The following EXOC6B variants were observed in gnomAD, a reference collection of about 807,000 sequenced individuals.
EXOC6B encodes the protein SEC15 homolog B.
In EXOC6B, 54 loss-of-function variants were observed where a neutral mutation model predicts 113.5. That is an observed-to-expected ratio of 0.48 (90% CI 0.38 to 0.60). The LOEUF is 0.60. Among genes scored for constraint, EXOC6B ranks in the 20% least tolerant of loss-of-function variants. The probability of loss-of-function intolerance (pLI) is 0.00; values close to 1 mark genes in which losing one functional copy is unlikely to be tolerated. For missense variants in EXOC6B, 797 were observed against 977.5 expected (o/e 0.82, Z 2.46); for synonymous variants, 357 against 339.0 (o/e 1.05, Z -0.58).
intron 20 of EXOC6B, among the ~76,000 whole-genome samples, chr2:72,261,048 T>C (rs544105387): frequency 6.6e-6 from 1 of 152,196 alleles, no homozygotes; most frequent in Non-Finnish European, 1.5e-5. Context: ...ACTAAGCAGT[T>C]CCAAACATAC....
intron 20 of EXOC6B, among the ~76,000 whole-genome samples, chr2:72,283,742 C>T (rs771190559): frequency 6.6e-6 from 1 of 152,078 alleles, no homozygotes; most frequent in Non-Finnish European, 1.5e-5. Context: ...CAAACCCTAA[C>T]CTAATCCCTA....
chr2:72,228,322 T>A (rs939573222), intron 20 of EXOC6B, among the ~76,000 whole-genome samples: 2 of 152,056 alleles, frequency 1.3e-5, no homozygotes, highest in Non-Finnish European at 2.9e-5. Context: ...AACGTGCAGG[T>A]TTGTTACATA....
chr2:72,481,691 C>T (rs1312066131), intron 16 of EXOC6B, among the ~76,000 whole-genome samples: 1 of 152,070 alleles, frequency 6.6e-6, no homozygotes, highest in African/African-American at 2.4e-5. Flanking sequence ...TCTTTTATAA[C>T]CCTATTTCTT....
intron 20 of EXOC6B, among the ~76,000 whole-genome samples, chr2:72,247,874 T>C (rs1322482194): frequency 6.6e-5 from 10 of 152,246 alleles, no homozygotes; most frequent in Non-Finnish European, 1.3e-4. Flanking sequence ...TAAGATGTTC[T>C]GAATTTGAAC....
At chr2:72,516,757 G>A (rs529272152) in intron 8 of EXOC6B, among the ~76,000 whole-genome samples, 1 of 152,092 alleles carries the variant, frequency 6.6e-6, no homozygotes, top group Non-Finnish European at 1.5e-5. Context: ...ACTAATAAGT[G>A]TGCCATGGTT....
chr2:72,733,466 C>T (rs945652653), intron 2 of EXOC6B, among the ~76,000 whole-genome samples: 5 of 152,120 alleles, frequency 3.3e-5, no homozygotes, highest in Admixed American at 1.3e-4. Context: ...TACAGATATT[C>T]CTCATTTCAC....
At chr2:72,313,356 C>T (rs774150020) in intron 20 of EXOC6B, among the ~76,000 whole-genome samples, 4 of 152,116 alleles carry the variant, frequency 2.6e-5, no homozygotes, top group Non-Finnish European at 4.4e-5. Flanking sequence ...ACATCCTGCA[C>T]ATGTACCCTA....
At chr2:72,645,927 C>A (rs868019958) in intron 6 of EXOC6B, among the ~76,000 whole-genome samples, 1 of 151,894 alleles carries the variant, frequency 6.6e-6, no homozygotes, top group African/African-American at 2.4e-5. Context: ...CAGAAGGCAA[C>A]AAATAACTAA....
At chr2:72,692,403 G>C (rs1040717063) in intron 6 of EXOC6B, among the ~76,000 whole-genome samples, 1 of 149,446 alleles carries the variant, frequency 6.7e-6, no homozygotes, top group Non-Finnish European at 1.5e-5. Flanking sequence ...CTAGGCTGGA[G>C]TGCAGTGGCA....
chr2:72,206,539 G>A (rs1679848746), intron 20 of EXOC6B, among the ~76,000 whole-genome samples: 2 of 152,148 alleles, frequency 1.3e-5, no homozygotes, highest in African/African-American at 4.8e-5. Context: ...CAGTGTTTGT[G>A]CCTCACAGTT....
intron 6 of EXOC6B, among the ~76,000 whole-genome samples, chr2:72,619,860 C>T (rs1671637951): frequency 6.6e-6 from 1 of 152,186 alleles, no homozygotes; most frequent in South Asian, 2.1e-4. Context: ...CAGAGACAGG[C>T]TTTCAGATGA....
At chr2:72,397,091 G>C (rs568420098) in intron 18 of EXOC6B, among the ~76,000 whole-genome samples, 1 of 152,082 alleles carries the variant, frequency 6.6e-6, no homozygotes, top group Admixed American at 6.5e-5. Flanking sequence ...TTCTCAGCCT[G>C]TTGTCAGATA....
chr2:72,674,920 T>C (rs1269269579), intron 6 of EXOC6B, among the ~76,000 whole-genome samples: 1 of 152,230 alleles, frequency 6.6e-6, no homozygotes, highest in Non-Finnish European at 1.5e-5. Flanking sequence ...TCAATGTAAC[T>C]AAGCTGTGCA....
At chr2:72,446,136 T>A (rs1696561324) in intron 18 of EXOC6B, among the ~76,000 whole-genome samples, 1 of 152,156 alleles carries the variant, frequency 6.6e-6, no homozygotes, top group South Asian at 2.1e-4. Flanking sequence ...AATAATCCCA[T>A]TACTAGGTAT....
intron 19 of EXOC6B, among the ~76,000 whole-genome samples, chr2:72,365,140 G>T (rs1690541253): frequency 1.3e-5 from 2 of 152,024 alleles, no homozygotes; most frequent in Admixed American, 1.3e-4. Context: ...AAAGGCATGG[G>T]AGTGTGCTTA....
At chr2:72,568,410 C>T (rs572697281) in intron 7 of EXOC6B, among the ~76,000 whole-genome samples, 8 of 152,104 alleles carry the variant, frequency 5.3e-5, no homozygotes, top group African/African-American at 1.9e-4. Context: ...CTGTATTATA[C>T]TTATGTAGAA....
intron 1 of EXOC6B, among the ~76,000 whole-genome samples, chr2:72,781,741 G>A (rs774483694): frequency 3.3e-5 from 5 of 152,042 alleles, no homozygotes; most frequent in Non-Finnish European, 7.4e-5. Flanking sequence ...TGACTCATAC[G>A]ACTTAAACTC....
intron 20 of EXOC6B, among the ~76,000 whole-genome samples, chr2:72,260,103 G>A (rs908163986): frequency 6.6e-6 from 1 of 151,990 alleles, no homozygotes; most frequent in South Asian, 2.1e-4. Flanking sequence ...AAGGAAGAGA[G>A]AAAGAAAGAA....
chr2:72,526,235 C>T (rs780976979), intron 8 of EXOC6B, among the ~76,000 whole-genome samples: 6 of 151,798 alleles, frequency 4.0e-5, no homozygotes, highest in Non-Finnish European at 8.8e-5. Context: ...ATAATACCAA[C>T]ATGTTACAGA....
Sources: gnomAD v4.1 joint callset for allele counts (sites outside exome capture counted in the v4.1 genomes callset) on GRCh38, gnomAD v4.1.1 for gene constraint, MANE v1.5 for transcripts, NCBI Gene and HGNC (gene_info 2026-07-23, HGNC 2026-07-21) for gene names.